Variants in URB1 observed in about 807,000 individuals in gnomAD.
URB1 encodes the protein URB1 ribosome biogenesis factor, also known as nucleolar pre-ribosomal-associated protein 1.
Under a neutral mutation model 242.3 loss-of-function variants are expected in URB1, and 197 were observed. That is an observed-to-expected ratio of 0.81 (90% CI 0.72 to 0.91). URB1 has a LOEUF of 0.91. Among genes scored for constraint, URB1 ranks in the 40% least tolerant of loss-of-function variants. URB1 has a pLI of 0.00. For synonymous variants in URB1, 1,153 were observed against 1,201.8 expected (o/e 0.96, Z 0.84); for missense variants, 2,721 against 2,860.5 (o/e 0.95, Z 1.11).
chr21:32,350,044 AC>A (rs2033139296), intron 20 of URB1, among the ~76,000 whole-genome samples: 1 of 149,926 alleles, frequency 6.7e-6, no homozygotes, highest in African/African-American at 2.5e-5. Context: ...AACAGCTTGA[AC>A]CCGGGAGGCA....
rs894172637 is a variant in URB1 at position 32,319,387 on chromosome 21, A to G, written c.5622T>C (p.Asn1874=). The change falls in exon 36 of 39, where the codon AAT becomes AAC. Residue 1874 remains asparagine, a synonymous_variant. Coordinates refer to ENST00000382751, the MANE Select transcript of URB1 (RefSeq NM_014825.3). The part of the protein sequence containing the change: ...SKFLETPLLS[N]VISLLHTLWV... ...ACAGTGTGTGTAGCAAGGAGATCACATTAGACAGCAGCGGAGTCTCCAGAA... is the reference window on the plus strand; with the variant it reads ...ACAGTGTGTGTAGCAAGGAGATCACGTTAGACAGCAGCGGAGTCTCCAGAA... The G allele has an allele frequency of 2.5e-5, 39 of 1,538,392 alleles. No homozygotes were observed. Among genetic ancestry groups the G allele is most frequent in the Non-Finnish European group, 3.4e-5 (39 of 1,142,000 alleles).
intron 37 of URB1, 58 bp from the exon 38 acceptor site, chr21:32,317,123 C>G (rs1653348736): frequency 7.5e-6 from 11 of 1,458,674 alleles, no homozygotes; most frequent in East Asian, 2.5e-5. Context: ...CCACACAGAT[C>G]CAGATGTGGG....
At position 32,313,022 on chromosome 21, in the gene URB1, G is replaced by A. The variant is rs2032616728; in HGVS notation, c.*1896C>T. 3 of 152,274 alleles carry A rather than the reference G, an allele frequency of 2.0e-5. No individual in the cohort carries two copies. The highest frequency in any genetic ancestry group is 2.9e-5 in the Non-Finnish European group (2 of 68,062). 9.4% of individuals were successfully genotyped at this position (152,274 alleles called of 1,614,324 possible). ...AGGGAGAACAAAGAAAAGCAAGACT[G>A]ATGAGCTCCAGAGATGCAGAAAAGA... On this transcript the variant is annotated 3_prime_UTR_variant, in exon 39 of 39. Coordinates refer to ENST00000382751, the MANE Select transcript of URB1 (RefSeq NM_014825.3).
intron 15 of URB1, 68 bp from the exon 16 acceptor site, chr21:32,355,633 G>A: frequency 2.4e-6 from 3 of 1,273,098 alleles, no homozygotes; most frequent in Non-Finnish European, 3.3e-6. Context: ...CTTTGAGACA[G>A]GGCCTCACTC....
chr21:32,322,703 G>A (rs1242692956), intron 32 of URB1, 119 bp from the exon 33 acceptor site: 19 of 719,138 alleles, frequency 2.6e-5, no homozygotes, highest in South Asian at 2.5e-4. Flanking sequence ...AGGAACTTTT[G>A]TGTCCTGACC....
At chr21:32,322,320 C>G (rs1006244394) in intron 33 of URB1, among the ~76,000 whole-genome samples, 158 bp downstream of exon 33, 1 of 152,188 alleles carries the variant, frequency 6.6e-6, no homozygotes, top group Non-Finnish European at 1.5e-5. Context: ...GCCAACAGCA[C>G]GGAGACATTC....
chr21:32,311,652 G>C lies in URB1; in HGVS notation c.*3266C>G. On this transcript the variant is annotated 3_prime_UTR_variant, in exon 39 of 39. Transcript: ENST00000382751. ...GTATGGACTGTTCTGCAGCAACTAT[G>C]ATGCCTGCCTCCCACTCTGCTCTGT... The C allele has an allele frequency of 6.2e-7, 1 of 1,611,112 alleles. No homozygotes were observed. The highest frequency in any genetic ancestry group is 1.1e-5 in the South Asian group (1 of 90,448).
At position 32,314,842 on chromosome 21, in the gene URB1, C is replaced by T. The variant is rs747358395; in HGVS notation, c.*76G>A. ...CCATGCCTTCTCTGGAAACCCTTGA[C>T]TCAACCAAACTTCTAGAAGCTGGTG... On this transcript the variant is annotated 3_prime_UTR_variant, in exon 39 of 39. Transcript: ENST00000382751. 6.6e-7 allele frequency: 1 copy of T among 1,512,686 alleles called. No homozygotes were observed. The highest frequency in any genetic ancestry group is 2.1e-5 in the Admixed American group (1 of 47,110). 93.7% of individuals were successfully genotyped at this position (1,512,686 alleles called of 1,614,324 possible).
chr21:32,386,274 G>T (rs2033583111), intron 1 of URB1, among the ~76,000 whole-genome samples: 1 of 152,158 alleles, frequency 6.6e-6, no homozygotes, highest in Non-Finnish European at 1.5e-5. Context: ...GATCTAACAG[G>T]ACTGGTGTCC....
At chr21:32,333,062 C>A in intron 30 of URB1, 2 of 456,352 alleles carry the variant, frequency 4.4e-6, no homozygotes, top group South Asian at 2.5e-5. Context: ...ATTAGGAAAA[C>A]ATCAAAGACA....
intron 6 of URB1, 60 bp from the exon 7 acceptor site, chr21:32,373,832 A>T: frequency 7.1e-7 from 1 of 1,405,416 alleles, no homozygotes; most frequent in Non-Finnish European, 9.5e-7. Context: ...CATGGAATTC[A>T]ATTATTTTTT....
rs775412767 is a variant in URB1, at chr21:32,385,577, G to C, written c.250C>G (p.Leu84Val). The C allele has an allele frequency of 1.3e-6, 2 of 1,551,898 alleles. No homozygotes were observed. The highest frequency in any genetic ancestry group is 1.7e-6 in the Non-Finnish European group (2 of 1,147,070). The part of the protein sequence containing the change: ...ISVECVEIFQ[L>V]LSGEKRPESE... ...TCAGGTCGTTTCTCTCCACTTAGGA[G>C]CTGGAAAATTTCGACACACTCAACA... The change falls in exon 2 of 39, where the codon CTC (leucine) becomes GTC (valine). Residue 84 changes from leucine to valine, a missense_variant. Coordinates refer to ENST00000382751, the MANE Select transcript of URB1 (RefSeq NM_014825.3).
chr21:32,366,858 T>G, intron 9 of URB1, 103 bp from the exon 10 acceptor site: 2 of 1,305,758 alleles, frequency 1.5e-6, no homozygotes, highest in Non-Finnish European at 2.1e-6. Context: ...CAAATAATTA[T>G]AGCGGTAAAG....
In URB1 at chr21:32,384,369, C is replaced by CT; in HGVS notation, c.377dup (p.Leu127AlafsTer11). The CT allele has an allele frequency of 6.4e-7, 1 of 1,552,370 alleles. No homozygotes were observed. Among genetic ancestry groups the CT allele is most frequent in the Non-Finnish European group, 8.7e-7 (1 of 1,147,126 alleles). On this transcript the variant is annotated frameshift_variant, in exon 3 of 39. Coordinates refer to ENST00000382751, the MANE Select transcript of URB1 (RefSeq NM_014825.3). LOFTEE classifies it high-confidence loss of function. ...TGAGCTTCATGTGGTTGTTCATCAG[C>CT]TTTTTCACAATGTTGGTTCCCACAA... is the stretch of plus-strand genomic sequence containing the variant.
intron 1 of URB1, 67 bp downstream of exon 1, chr21:32,392,702 G>T: frequency 7.3e-7 from 1 of 1,361,568 alleles, no homozygotes; most frequent in Admixed American, 3.3e-5. Context: ...GAGAGGCTGT[G>T]CCCGGCACAC....
chr21:32,339,721 G>T (rs1323215369), intron 25 of URB1, among the ~76,000 whole-genome samples: 1 of 151,724 alleles, frequency 6.6e-6, no homozygotes, highest in Non-Finnish European at 1.5e-5. Flanking sequence ...TCGATCTTCT[G>T]ACCTCGTGAT....
At chr21:32,374,719 G>A (rs972351262) in intron 6 of URB1, among the ~76,000 whole-genome samples, 1 of 152,166 alleles carries the variant, frequency 6.6e-6, no homozygotes, top group Non-Finnish European at 1.5e-5. Flanking sequence ...CAGGATGTTC[G>A]GCAGCATCCC....
Position 32,359,919 on chromosome 21 carries a change from A to C in URB1, c.1757-11T>G. The C allele has an allele frequency of 6.5e-7, 1 of 1,547,734 alleles. No homozygotes were observed. Among genetic ancestry groups the C allele is most frequent in the Non-Finnish European group, 8.7e-7 (1 of 1,145,450 alleles). ...GCTCAGAGATGACACCTATGGGTGA[A>C]AAAGAGGCAGGCTGAAAAAAGTCAC... is the stretch of plus-strand genomic sequence containing the variant. On this transcript the variant is annotated splice_polypyrimidine_tract_variant and intron_variant, in intron 13 of 38. Coordinates refer to ENST00000382751, the MANE Select transcript of URB1 (RefSeq NM_014825.3).
intron 24 of URB1, among the ~76,000 whole-genome samples, chr21:32,343,445 G>A (rs919150257): frequency 2.0e-5 from 3 of 152,130 alleles, no homozygotes; most frequent in African/African-American, 4.8e-5. Flanking sequence ...TATACTGCAC[G>A]GTTCCAAGTA....
Sources: allele counts gnomAD v4.1 joint callset (sites outside exome capture counted in the v4.1 genomes callset), GRCh38; gene constraint gnomAD v4.1.1; transcripts MANE v1.5; gene names NCBI Gene and HGNC (gene_info 2026-07-23, HGNC 2026-07-21).